Variants in DPP10 observed in about 807,000 individuals in gnomAD.
The protein encoded by DPP10 is inactive dipeptidyl peptidase 10.
DPP10 carries 33 observed loss-of-function variants against 120.9 expected under a neutral mutation model. That is an observed-to-expected ratio of 0.27 (90% confidence interval 0.21 to 0.37). The LOEUF is 0.37. DPP10 is among the 10% of genes least tolerant of loss of function. DPP10 has a pLI of 1.00. For missense variants in DPP10, 816 were observed against 942.8 expected, an observed-to-expected ratio of 0.87 and a Z score of 1.76; for synonymous variants, 337 against 326.1, an observed-to-expected ratio of 1.03 and a Z score of -0.36.
chr2:115,759,463 G>A (rs1679831771), intron 11 of DPP10, among the ~76,000 whole-genome samples: 2 of 150,634 alleles, frequency 1.3e-5, no homozygotes, highest in Admixed American at 6.6e-5. Context: ...AAATTATAAT[G>A]GTATATTATA....
intron 1 of DPP10, among the ~76,000 whole-genome samples, chr2:115,288,579 G>T (rs970670450): frequency 4.0e-5 from 6 of 151,682 alleles, no homozygotes; most frequent in African/African-American, 1.5e-4. Flanking sequence ...AAATTAGCCA[G>T]GCCTGGTTGG....
At chr2:115,259,060 G>T (rs1405012033) in intron 1 of DPP10, among the ~76,000 whole-genome samples, 1 of 152,166 alleles carries the variant, frequency 6.6e-6, no homozygotes, top group Non-Finnish European at 1.5e-5. Flanking sequence ...AGATAGAGTT[G>T]TGGTCATCTA....
At chr2:115,696,160 A>G (rs888795885) in intron 7 of DPP10, among the ~76,000 whole-genome samples, 11 of 152,148 alleles carry the variant, frequency 7.2e-5, no homozygotes, top group Admixed American at 2.6e-4. Flanking sequence ...GAATGTTAGA[A>G]GTAGAAGAGG....
chr2:114,860,769 G>T (rs1326512226), intron 1 of DPP10, among the ~76,000 whole-genome samples: 2 of 151,890 alleles, frequency 1.3e-5, no homozygotes, highest in Non-Finnish European at 2.9e-5. Context: ...TTTCCCTATT[G>T]TTTTTACTTT....
At chr2:114,959,315 G>T (rs1256502695) in intron 1 of DPP10, among the ~76,000 whole-genome samples, 1 of 152,140 alleles carries the variant, frequency 6.6e-6, no homozygotes. Flanking sequence ...TTTCCTCTGA[G>T]TAGAATCTTA....
chr2:115,195,330 C>T (rs903402157), intron 1 of DPP10, among the ~76,000 whole-genome samples: 2 of 152,092 alleles, frequency 1.3e-5, no homozygotes, highest in Admixed American at 6.5e-5. Flanking sequence ...CATACCTCAC[C>T]GCCACCCCTA....
At chr2:115,229,105 G>C (rs2057598540) in intron 1 of DPP10, among the ~76,000 whole-genome samples, 1 of 152,062 alleles carries the variant, frequency 6.6e-6, no homozygotes, top group Non-Finnish European at 1.5e-5. Flanking sequence ...TTGTAGCTTT[G>C]ATTTGCATAT....
At chr2:114,716,353 G>A (rs764783721) in intron 1 of DPP10, among the ~76,000 whole-genome samples, 2 of 152,236 alleles carry the variant, frequency 1.3e-5, no homozygotes, top group South Asian at 2.1e-4. Flanking sequence ...ATGTGAAGAC[G>A]TGAACTAAAA....
At chr2:115,806,367 C>T (rs947808611) in intron 19 of DPP10, among the ~76,000 whole-genome samples, 2 of 152,072 alleles carry the variant, frequency 1.3e-5, no homozygotes, top group African/African-American at 4.8e-5. Context: ...TACTAAGTTG[C>T]AAGATGGTTC....
intron 3 of DPP10, among the ~76,000 whole-genome samples, chr2:115,462,374 T>G (rs541920099): frequency 1.3e-4 from 20 of 152,294 alleles, no homozygotes; most frequent in African/African-American, 4.3e-4. Flanking sequence ...AATTAATACT[T>G]CTGCAGCAGC....
At position 115,836,235 on chromosome 2, in the gene DPP10, A is replaced by T; in HGVS notation, c.2029A>T (p.Ile677Phe). 6.2e-7 allele frequency: 1 copy of T among 1,608,560 alleles called. No individual in the cohort carries two copies. The highest frequency in any genetic ancestry group is 1.1e-5 in the South Asian group (1 of 89,764). ...LFKCGSVVAP[I>F]TDLKLYASAF... Reference sequence around the variant, plus strand: ...TAAATGTGGATCCGTGGTTGCACCTATCACAGACTTGAAATTGTATGGTGA... The same window carrying T: ...TAAATGTGGATCCGTGGTTGCACCTTTCACAGACTTGAAATTGTATGGTGA... The change falls in exon 22 of 26, where the codon ATC becomes TTC. Residue 677 changes from isoleucine (I) to phenylalanine (F), a missense_variant. Coordinates refer to ENST00000410059, the MANE Select transcript of DPP10 (RefSeq NM_020868.6).
chr2:114,898,966 T>A (rs1449977712), intron 1 of DPP10, among the ~76,000 whole-genome samples: 1 of 152,166 alleles, frequency 6.6e-6, no homozygotes, highest in African/African-American at 2.4e-5. Flanking sequence ...TGGACTAGAA[T>A]CTTAATACAG....
At chr2:115,754,323 T>C (rs1679127519) in intron 11 of DPP10, among the ~76,000 whole-genome samples, 1 of 152,166 alleles carries the variant, frequency 6.6e-6, no homozygotes, top group South Asian at 2.1e-4. Flanking sequence ...AGTATTAGGC[T>C]CAATGCTTAG....
intron 9 of DPP10, among the ~76,000 whole-genome samples, chr2:115,743,026 A>G (rs1677485507): frequency 6.6e-6 from 1 of 151,716 alleles, no homozygotes; most frequent in South Asian, 2.1e-4. Flanking sequence ...TATCTTGTTT[A>G]ATGACAATCT....
intron 1 of DPP10, among the ~76,000 whole-genome samples, chr2:115,233,028 T>C (rs2057815338): frequency 9.0e-6 from 1 of 111,288 alleles, no homozygotes; most frequent in Non-Finnish European, 1.8e-5. Context: ...TTATCGATAG[T>C]GTCTATCGTC....
chr2:114,828,942 A>G (rs985322188), intron 1 of DPP10: 1 of 152,186 alleles, frequency 6.6e-6, no homozygotes, highest in African/African-American at 2.4e-5. Context: ...GCAATAGGGG[A>G]AAATAAAGTA....
chr2:114,523,251 T>C (rs1247959059), intron 1 of DPP10, among the ~76,000 whole-genome samples: 1 of 152,168 alleles, frequency 6.6e-6, no homozygotes, highest in Non-Finnish European at 1.5e-5. Context: ...GGGGCTGGAC[T>C]TTTGTTCCCT....
chr2:115,111,193 T>C (rs2049199196), intron 1 of DPP10, among the ~76,000 whole-genome samples: 1 of 152,034 alleles, frequency 6.6e-6, no homozygotes, highest in South Asian at 2.1e-4. Context: ...GACCACTAAC[T>C]CATGTTCATA....
chr2:115,172,778 C>T (rs998390181), intron 1 of DPP10, among the ~76,000 whole-genome samples: 15 of 152,084 alleles, frequency 9.9e-5, no homozygotes, highest in African/African-American at 2.7e-4. Context: ...GTTGTTATAC[C>T]GGACATAGAC....
Sources: gnomAD v4.1 joint callset for allele counts (sites outside exome capture counted in the v4.1 genomes callset) on GRCh38, gnomAD v4.1.1 for gene constraint, MANE v1.5 for transcripts, NCBI Gene and HGNC (gene_info 2026-07-23, HGNC 2026-07-21) for gene names.